Variants in NOTCH2NLR observed in about 807,000 individuals in gnomAD.
NOTCH2NLR encodes the protein notch 2 N-terminal like R (pseudogene).
NOTCH2NLR carries 33 observed loss-of-function variants against 35.6 expected under a neutral mutation model. That is an observed-to-expected ratio of 0.93 (90% confidence interval 0.70 to 1.24). NOTCH2NLR has a LOEUF of 1.24. NOTCH2NLR is among the 50% of genes most tolerant of loss of function. The pLI, the probability that NOTCH2NLR is intolerant of heterozygous loss-of-function variation, is 0.00. For missense variants in NOTCH2NLR, 276 were observed against 362.2 expected (o/e 0.76, Z 1.93); for synonymous variants, 103 against 141.0 (o/e 0.73, Z 1.91).
Position 120,724,205 on chromosome 1 carries a change from T to C in NOTCH2NLR, c.28T>C (p.Trp10Arg), listed in dbSNP as rs1182343978. ...GCCCGCCCTGCGTCCCGCTCTGCTG[T>C]GGGCGCTGCTGGCGCTCTGGCTGTG... is the stretch of plus-strand genomic sequence containing the variant. Residue 10 changes from tryptophan (W) to arginine (R), a missense_variant, in exon 1 of 5, where the codon TGG becomes CGG. Transcript: ENST00000624419. 14 of 1,404,238 alleles carry C rather than the reference T, an allele frequency of 1.0e-5. 5 individuals are homozygous for C. In the African/African-American group the frequency reaches 3.8e-4, roughly 38 times the overall value. 87.0% of individuals were successfully genotyped at this position (1,404,238 alleles called of 1,614,324 possible). A position where few individuals can be genotyped will look rare whatever the true frequency, so the allele number is the denominator to read the frequency against.
chr1:120,790,924 G>C (rs1306620077), intron 3 of NOTCH2NLR, among the ~76,000 whole-genome samples: 1 of 89,044 alleles, frequency 1.1e-5, no homozygotes, highest in Non-Finnish European at 2.0e-5. Flanking sequence ...TTTCAGTTGT[G>C]GGCATCACTC....
At chr1:120,728,774 G>A (rs1272271299) in intron 1 of NOTCH2NLR, among the ~76,000 whole-genome samples, 1 of 114,188 alleles carries the variant, frequency 8.8e-6, no homozygotes, top group Non-Finnish European at 1.7e-5. Flanking sequence ...AACTTGTACT[G>A]GATTGAGAGA....
chr1:120,789,896 C>A (rs1417673170), intron 3 of NOTCH2NLR, among the ~76,000 whole-genome samples: 1 of 65,686 alleles, frequency 1.5e-5, no homozygotes, highest in Non-Finnish European at 2.6e-5. Context: ...GTGGAAATGA[C>A]AGTAATGCCT....
rs2101344188 is a variant in NOTCH2NLR, at chr1:120,729,124, T to A, written c.73+4874T>A. On this transcript the variant is annotated intron_variant, in intron 1 of 4. Transcript: ENST00000624419. Reference sequence around the variant, plus strand: ...TGGTGAGTTGGAGTGTGTTTCTATGTTCTTTTTTCCTTTGAAGAGATAGGA... The same window carrying A: ...TGGTGAGTTGGAGTGTGTTTCTATGATCTTTTTTCCTTTGAAGAGATAGGA... 2.3e-5 allele frequency among the ~76,000 whole-genome samples: 2 copies of A among 87,866 alleles called. 1 individual carries two copies. The highest frequency in any genetic ancestry group is 6.2e-4 in the South Asian group (2 of 3,214). 57.6% of individuals were successfully genotyped at this position (87,866 alleles called of 152,430 possible). A position where few individuals can be genotyped will look rare whatever the true frequency, so the allele number is the denominator to read the frequency against.
intron 4 of NOTCH2NLR, 24 bp downstream of exon 4, chr1:120,793,520 G>C: frequency 8.8e-7 from 1 of 1,136,284 alleles, no homozygotes; most frequent in South Asian, 1.3e-5. Flanking sequence ...TAGTGTCCCA[G>C]GATTAGGGGA....
rs1392358942 is a variant in NOTCH2NLR at position 120,770,172 on chromosome 1, G to T, written c.155+6463G>T. Among the ~76,000 whole-genome samples the T allele has an allele frequency of 2.6e-4, 25 of 97,938 alleles. 3 individuals carry two copies. In the East Asian group the frequency reaches 4.2e-3, roughly 16 times the overall value. The allele number at this position is 97,938 out of a possible 152,430, so 64.3% of individuals were successfully genotyped here. On this transcript the variant is annotated intron_variant, in intron 2 of 4. Transcript: ENST00000624419. ...TGACATGAAGAGGACATAGTTTTTT[G>T]TTGTTGTTTTTTTTTGAGACAGAGT...
At chr1:120,789,411 T>C (rs1651458768) in intron 3 of NOTCH2NLR, among the ~76,000 whole-genome samples, 1 of 100,780 alleles carries the variant, frequency 9.9e-6, no homozygotes, top group South Asian at 3.1e-4. Context: ...TACAGTTCCA[T>C]ATGGCTGGGG....
intron 3 of NOTCH2NLR, among the ~76,000 whole-genome samples, chr1:120,790,293 T>C (rs1365187594): frequency 9.0e-6 from 1 of 110,566 alleles, no homozygotes; most frequent in African/African-American, 5.6e-5. Flanking sequence ...GGATTACAGG[T>C]GTGAGCCACC....
intron 2 of NOTCH2NLR, among the ~76,000 whole-genome samples, chr1:120,781,748 A>G (rs1196012768): frequency 8.8e-6 from 1 of 113,252 alleles, no homozygotes; most frequent in Non-Finnish European, 1.7e-5. Flanking sequence ...TATTTTTAGT[A>G]GAGACAGGAC....
intron 1 of NOTCH2NLR, 94 bp downstream of exon 1, chr1:120,724,344 C>A: frequency 7.4e-7 from 1 of 1,354,700 alleles, no homozygotes; most frequent in South Asian, 1.3e-5. Context: ...TGTGGGAAGG[C>A]CAGGCTCGGC....
chr1:120,790,789 G>A (rs1651484483), intron 3 of NOTCH2NLR, among the ~76,000 whole-genome samples: 1 of 106,494 alleles, frequency 9.4e-6, no homozygotes, highest in Non-Finnish European at 1.7e-5. Flanking sequence ...TAGAAAAGAT[G>A]GCGTTTCACC....
chr1:120,764,261 A>T, intron 2 of NOTCH2NLR, among the ~76,000 whole-genome samples: 1 of 110,748 alleles, frequency 9.0e-6, no homozygotes, highest in Admixed American at 8.7e-5. Context: ...AGAAATAAAA[A>T]AAATATATAA....
intron 2 of NOTCH2NLR, among the ~76,000 whole-genome samples, chr1:120,778,439 C>T (rs1179771168): frequency 9.0e-6 from 1 of 111,650 alleles, no homozygotes; most frequent in Admixed American, 8.6e-5. Flanking sequence ...CCGACGCAAC[C>T]CACATGAGAC....
chr1:120,793,312 A>G lies in NOTCH2NLR; in HGVS notation c.567A>G (p.Pro189=), dbSNP rs1651514444. The G allele has an allele frequency of 2.9e-5, 40 of 1,402,780 alleles. 9 individuals carry two copies. The highest frequency in any genetic ancestry group is 9.6e-7 in the Non-Finnish European group (1 of 1,045,126). The allele number at this position is 1,402,780 out of a possible 1,614,324, so 86.9% of individuals were successfully genotyped here. ...CTGATGTCAATGAGTGTGACATTCC[A>G]GGACACTGCCAGCATGGTGGCACCT... The change falls in exon 4 of 5, where the codon CCA becomes CCG. Residue 189 remains proline, a synonymous_variant. Transcript: ENST00000624419.
Position 120,792,812 on chromosome 1 carries a change from T to C in NOTCH2NLR, c.416-349T>C, listed in dbSNP as rs1275130331. On this transcript the variant is annotated intron_variant, in intron 3 of 4. Coordinates refer to ENST00000624419, the Ensembl canonical transcript of NOTCH2NLR. Reference sequence around the variant, plus strand: ...ACTGCTCCTGGCCCAGAAGTTGATATTCAAACAGGAGCAGCATATGCAAAG... The same window carrying C: ...ACTGCTCCTGGCCCAGAAGTTGATACTCAAACAGGAGCAGCATATGCAAAG... Among the ~76,000 whole-genome samples, 67 of 96,058 alleles carry C rather than the reference T, an allele frequency of 7.0e-4. 19 individuals are homozygous for C. Among genetic ancestry groups the C allele is most frequent in the African/African-American group, 4.9e-3 (65 of 13,330 alleles). The allele number at this position is 96,058 out of a possible 152,430, so 63.0% of individuals were successfully genotyped here.
Position 120,754,966 on chromosome 1 carries a change from TA to T in NOTCH2NLR, c.74-8661del, listed in dbSNP as rs1184553500. Among the ~76,000 whole-genome samples the T allele has an allele frequency of 2.2e-3, 285 of 127,624 alleles. 5 individuals carry two copies. The highest frequency in any genetic ancestry group is 8.5e-3 in the African/African-American group (282 of 33,274). 83.7% of individuals were successfully genotyped at this position (127,624 alleles called of 152,430 possible). On this transcript the variant is annotated intron_variant, in intron 1 of 4. Transcript: ENST00000624419. ...GCAAGCTGAAGGTTGGGTTTATTCA[TA>T]GGTTTTGTCTTAATTATAGATATTT...
chr1:120,751,595 TTCGC>T lies in NOTCH2NLR; in HGVS notation c.74-12023_74-12020del, dbSNP rs1340663076. Among the ~76,000 whole-genome samples, 10 of 56,120 alleles carry T rather than the reference TTCGC, an allele frequency of 1.8e-4. 4 individuals carry two copies. Among genetic ancestry groups the T allele is most frequent in the Non-Finnish European group, 3.7e-4 (9 of 24,376 alleles). The allele number at this position is 56,120 out of a possible 152,430, so 36.8% of individuals were successfully genotyped here. On this transcript the variant is annotated intron_variant, in intron 1 of 4. Transcript: ENST00000624419. Reference sequence around the variant, plus strand: ...GAAGGTAGGCCAGGGCATCTGCTCGTTCGCTCGCTCGCTTGCTCTTTCTCTCTTC... The same window carrying T: ...GAAGGTAGGCCAGGGCATCTGCTCGTTCGCTCGCTTGCTCTTTCTCTCTTC...
At chr1:120,754,445 T>C (rs1324486831) in intron 1 of NOTCH2NLR, among the ~76,000 whole-genome samples, 2 of 88,624 alleles carry the variant, frequency 2.3e-5, no homozygotes, top group Admixed American at 2.2e-4. Context: ...CTTCTTCCTC[T>C]CTGTTGGATT....
chr1:120,792,801 A>G (rs1179640407), intron 3 of NOTCH2NLR, among the ~76,000 whole-genome samples: 47 of 99,078 alleles, frequency 4.7e-4, no homozygotes, highest in Non-Finnish European at 5.7e-4. Flanking sequence ...CTCCTGGCCC[A>G]GAAGTTGATA....
Sources: allele counts gnomAD v4.1 joint callset (sites outside exome capture counted in the v4.1 genomes callset), GRCh38; gene constraint gnomAD v4.1.1; transcripts MANE v1.5; gene names NCBI Gene and HGNC (gene_info 2026-07-23, HGNC 2026-07-21).